The following PLS1 variants were observed in gnomAD, a reference collection of about 807,000 sequenced individuals.
The protein encoded by PLS1 is plastin-1.
In PLS1, 32 loss-of-function variants were observed where a neutral mutation model predicts 73.7. That is an observed-to-expected ratio of 0.43 (90% confidence interval 0.33 to 0.58). The LOEUF is 0.58. Among genes scored for constraint, PLS1 ranks in the 20% least tolerant of loss-of-function variants. The pLI is 0.04. For missense variants in PLS1, 633 were observed against 740.5 expected (o/e 0.85, Z 1.68); for synonymous variants, 217 against 261.3 (o/e 0.83, Z 1.63).
chr3:142,688,070 C>G (rs2038009832), intron 9 of PLS1, among the ~76,000 whole-genome samples: 1 of 151,826 alleles, frequency 6.6e-6, no homozygotes, highest in African/African-American at 2.4e-5. Flanking sequence ...ACCTCCACTT[C>G]CTGAGTAGCT....
chr3:142,674,213 T>A (rs1418936245), intron 4 of PLS1, among the ~76,000 whole-genome samples: 1 of 152,184 alleles, frequency 6.6e-6, no homozygotes, highest in Non-Finnish European at 1.5e-5. Context: ...AATTCCTCAA[T>A]GGCAGATACA....
At chr3:142,632,556 A>G (rs1490892213) in intron 1 of PLS1, among the ~76,000 whole-genome samples, 1 of 151,822 alleles carries the variant, frequency 6.6e-6, no homozygotes, top group Non-Finnish European at 1.5e-5. Flanking sequence ...TGATCCAGCA[A>G]TTCCACCTCT....
At position 142,671,069 on chromosome 3, in the gene PLS1, C is replaced by G. The variant is rs958796165; in HGVS notation, c.311C>G (p.Ala104Gly). The G allele has an allele frequency of 6.2e-7, 1 of 1,607,402 alleles. No homozygotes were observed. The highest frequency in any genetic ancestry group is 1.3e-5 in the African/African-American group (1 of 74,752). The change falls in exon 4 of 16, where the codon GCT becomes GGT. Residue 104 changes from alanine to glycine, a missense_variant. Physicochemically the swap from Ala to Gly is moderately conservative, Grantham distance 60. Coordinates refer to ENST00000457734, the MANE Select transcript of PLS1 (RefSeq NM_001145319.2). ...KIINKREGIT[A>G]IGGTSTISSE... ...ATTAACAAGAGGGAAGGGATTACTGCTATTGGAGGAACTTCAACTATTTCC... is the reference window on the plus strand; with the variant it reads ...ATTAACAAGAGGGAAGGGATTACTGGTATTGGAGGAACTTCAACTATTTCC...
rs371422827 is a variant in PLS1, at chr3:142,664,189, T to C, written c.-36-13T>C. On this transcript the variant is annotated splice_polypyrimidine_tract_variant and intron_variant, in intron 1 of 15. Transcript: ENST00000457734. ...AAGGCTTCATGCTTTTTTTATAATA[T>C]TGCTTTTTCTAGATATAAAGACCTG... 9.8e-6 allele frequency: 10 copies of C among 1,015,638 alleles called. No individual in the cohort carries two copies. The highest frequency in any genetic ancestry group is 2.8e-5 in the South Asian group (2 of 70,610). The allele number at this position is 1,015,638 out of a possible 1,614,324, so 62.9% of individuals were successfully genotyped here.
chr3:142,711,692 T>C, intron 15 of PLS1, 67 bp downstream of exon 15: 1 of 1,404,648 alleles, frequency 7.1e-7, no homozygotes, highest in Non-Finnish European at 9.8e-7. Flanking sequence ...ATAGGAAAAG[T>C]TACTATGCCC....
intron 1 of PLS1, among the ~76,000 whole-genome samples, chr3:142,598,856 G>A (rs911605847): frequency 2.0e-5 from 3 of 151,882 alleles, no homozygotes; most frequent in South Asian, 2.1e-4. Context: ...AATTAGCTGG[G>A]GGGGCATGGT....
chr3:142,633,578 C>A (rs896029412), intron 1 of PLS1, among the ~76,000 whole-genome samples: 1 of 152,102 alleles, frequency 6.6e-6, no homozygotes, highest in African/African-American at 2.4e-5. Flanking sequence ...ATCACTTGAA[C>A]CTGGGAGGTG....
chr3:142,617,730 C>A (rs774073029), intron 1 of PLS1, among the ~76,000 whole-genome samples: 3 of 152,094 alleles, frequency 2.0e-5, no homozygotes, highest in Non-Finnish European at 4.4e-5. Context: ...ATAATCCTAG[C>A]ACTTTGGGAG....
rs533882243 is a variant in PLS1 at position 142,651,857 on chromosome 3, C to T, written c.-36-12345C>T. Among the ~76,000 whole-genome samples, 3 of 152,312 alleles carry T rather than the reference C, an allele frequency of 2.0e-5. No homozygotes were observed. In the East Asian group the frequency reaches 5.8e-4, roughly 29 times the overall value. On this transcript the variant is annotated intron_variant, in intron 1 of 15. Transcript: ENST00000457734. ...TTGAAAAATCAGAAGATCTGGCAAC[C>T]CTGGGCCTCATTTCTCTTGGCAACA...
intron 14 of PLS1, among the ~76,000 whole-genome samples, chr3:142,707,318 G>A (rs2038482357): frequency 6.6e-6 from 1 of 150,572 alleles, no homozygotes; most frequent in Non-Finnish European, 1.5e-5. Context: ...AGCACTATAG[G>A]AATTTCAGAA....
chr3:142,633,236 G>A (rs1333898952), intron 1 of PLS1, among the ~76,000 whole-genome samples: 1 of 152,182 alleles, frequency 6.6e-6, no homozygotes, highest in Non-Finnish European at 1.5e-5. Context: ...GGAGAGAGGG[G>A]AAATTAGTGT....
intron 6 of PLS1, among the ~76,000 whole-genome samples, chr3:142,679,379 T>C (rs2037798707): frequency 6.7e-6 from 1 of 150,002 alleles, no homozygotes; most frequent in Admixed American, 6.6e-5. Flanking sequence ...AATGCCTAGG[T>C]TTTCTTCTAG....
At chr3:142,646,661 A>G (rs529275213) in intron 1 of PLS1, among the ~76,000 whole-genome samples, 2 of 152,278 alleles carry the variant, frequency 1.3e-5, no homozygotes, top group Non-Finnish European at 2.9e-5. Flanking sequence ...GCTGCAAAGC[A>G]GCACATCATA....
At position 142,677,109 on chromosome 3, in the gene PLS1, A is replaced by T. The variant is rs562124689; in HGVS notation, c.497+820A>T. 4.6e-5 allele frequency among the ~76,000 whole-genome samples: 7 copies of T among 152,254 alleles called. No homozygotes were observed. The South Asian group carries it at 1.5e-3, about 32-fold the overall frequency. On this transcript the variant is annotated intron_variant, in intron 5 of 15. Coordinates refer to ENST00000457734, the MANE Select transcript of PLS1 (RefSeq NM_001145319.2). The stretch of plus-strand genomic sequence containing the variant: ...TTATGAACCAAATGGGTATTTTCCT[A>T]TTCTTGTTTTAAAAGGTAAAATTCT...
At chr3:142,682,458 T>A (rs2037875620) in intron 6 of PLS1, among the ~76,000 whole-genome samples, 1 of 152,226 alleles carries the variant, frequency 6.6e-6, no homozygotes, top group Admixed American at 6.5e-5. Flanking sequence ...TTTGTCATTG[T>A]CCAGGCTGAG....
chr3:142,699,244 G>C (rs187333376), intron 12 of PLS1, among the ~76,000 whole-genome samples: 1 of 152,288 alleles, frequency 6.6e-6, no homozygotes, highest in East Asian at 1.9e-4. Flanking sequence ...TGGATCATGA[G>C]GTCAGGAATT....
At chr3:142,600,912 A>ATTT (rs1560024555) in intron 1 of PLS1, among the ~76,000 whole-genome samples, 19 of 20,784 alleles carry the variant, frequency 9.1e-4, no homozygotes, top group South Asian at 2.0e-3. Context: ...ATATATATAT[A>ATTT]TATATTTTTT....
At chr3:142,651,629 T>G (rs763050940) in intron 1 of PLS1, among the ~76,000 whole-genome samples, 18 of 152,110 alleles carry the variant, frequency 1.2e-4, no homozygotes, top group Non-Finnish European at 2.1e-4. Flanking sequence ...GCCCAGCTGA[T>G]GGGAGTGTTT....
chr3:142,693,491 G>T (rs2038128704), intron 10 of PLS1, among the ~76,000 whole-genome samples: 1 of 152,180 alleles, frequency 6.6e-6, no homozygotes, highest in South Asian at 2.1e-4. Context: ...ACTTAGAAGT[G>T]ATGACAGGTG....
Sources: gnomAD v4.1 joint callset for allele counts (sites outside exome capture counted in the v4.1 genomes callset) on GRCh38, gnomAD v4.1.1 for gene constraint, MANE v1.5 for transcripts, NCBI Gene and HGNC (gene_info 2026-07-23, HGNC 2026-07-21) for gene names.